The following MCU variants were observed in gnomAD, a reference collection of about 807,000 sequenced individuals.
MCU encodes calcium uniporter protein, mitochondrial.
Under a neutral mutation model 45.2 loss-of-function variants are expected in MCU, and 12 were observed. That is an observed-to-expected ratio of 0.27 (90% CI 0.17 to 0.43). MCU has a LOEUF of 0.43. Among genes scored for constraint, MCU ranks in the 20% least tolerant of loss-of-function variants. The pLI is 1.00. For synonymous variants in MCU, 160 were observed against 165.1 expected (o/e 0.97, Z 0.24); for missense variants, 324 against 436.7 (o/e 0.74, Z 2.30).
chr10:72,704,742 T>TCTCGCTCTG (rs1842799011), intron 1 of MCU, among the ~76,000 whole-genome samples: 1 of 129,200 alleles, frequency 7.7e-6, no homozygotes, highest in Non-Finnish European at 1.6e-5. Flanking sequence ...TGAGACGGAG[T>TCTCGCTCTG]CTCGCTCTGT....
At chr10:72,694,821 T>G (rs1438955541) in intron 1 of MCU, among the ~76,000 whole-genome samples, 1 of 152,222 alleles carries the variant, frequency 6.6e-6, no homozygotes, top group East Asian at 1.9e-4. Context: ...TTTCCAAGTT[T>G]CGAGAATGAG....
At chr10:72,797,783 C>T (rs1844274096) in intron 1 of MCU, among the ~76,000 whole-genome samples, 1 of 152,102 alleles carries the variant, frequency 6.6e-6, no homozygotes, top group African/African-American at 2.4e-5. Flanking sequence ...GATCCACCCA[C>T]CTTGGCCTCC....
At chr10:72,695,662 G>A (rs1173125215) in intron 1 of MCU, among the ~76,000 whole-genome samples, 2 of 149,878 alleles carry the variant, frequency 1.3e-5, no homozygotes, top group Admixed American at 6.6e-5. Flanking sequence ...AAAGTCACTT[G>A]TTAAGTTATG....
rs1280080654 is a variant in MCU, at chr10:72,802,889, T to A, written c.151-31470T>A. ...AATATTTGCAACTCCTGAGTAATTA[T>A]GTTGAGTAGCATTTCACTATAGTTT... On this transcript the variant is annotated intron_variant, in intron 1 of 7. Transcript: ENST00000373053. 2.0e-5 allele frequency among the ~76,000 whole-genome samples: 3 copies of A among 152,354 alleles called. No homozygotes were observed. In the East Asian group the frequency reaches 5.8e-4, roughly 29 times the overall value.
chr10:72,732,243 C>A (rs1156806685), intron 1 of MCU, among the ~76,000 whole-genome samples: 1 of 152,170 alleles, frequency 6.6e-6, no homozygotes. Flanking sequence ...AGCACTTTAG[C>A]CCATTTTCAA....
At chr10:72,697,139 T>G (rs1467321876) in intron 1 of MCU, among the ~76,000 whole-genome samples, 1 of 152,194 alleles carries the variant, frequency 6.6e-6, no homozygotes, top group African/African-American at 2.4e-5. Context: ...TTATTTTAGA[T>G]GGAGTGTTGC....
At chr10:72,738,205 G>A (rs1589438399) in intron 1 of MCU, among the ~76,000 whole-genome samples, 1 of 152,138 alleles carries the variant, frequency 6.6e-6, no homozygotes, top group South Asian at 2.1e-4. Flanking sequence ...GAAGGTGAAG[G>A]GGAAGTTGGA....
At position 72,823,061 on chromosome 10, in the gene MCU, A is replaced by G. The variant is rs531644318; in HGVS notation, c.151-11298A>G. 9.8e-5 allele frequency among the ~76,000 whole-genome samples: 15 copies of G among 152,344 alleles called. No individual in the cohort carries two copies. The South Asian group carries it at 2.7e-3, about 27-fold the overall frequency. On this transcript the variant is annotated intron_variant, in intron 1 of 7. Coordinates refer to ENST00000373053, the MANE Select transcript of MCU (RefSeq NM_138357.3). ...TATATGTTCACACAAAAACTTGTAC[A>G]TAAATGTCTATAGCAGCATTATTCA...
chr10:72,845,197 A>G (rs1845103156), intron 2 of MCU, among the ~76,000 whole-genome samples: 1 of 152,130 alleles, frequency 6.6e-6, no homozygotes. Flanking sequence ...AGGGCAGACT[A>G]TTTAATAAAT....
chr10:72,735,404 G>T (rs888355451), intron 1 of MCU, among the ~76,000 whole-genome samples: 1 of 152,070 alleles, frequency 6.6e-6, no homozygotes. Context: ...ATGTGATGTG[G>T]TTTAATAGCA....
chr10:72,839,830 G>T (rs914240089), intron 2 of MCU, among the ~76,000 whole-genome samples: 1 of 151,662 alleles, frequency 6.6e-6, no homozygotes, highest in Non-Finnish European at 1.5e-5. Flanking sequence ...CGGGTGTGGT[G>T]GCAGGAGCCT....
intron 1 of MCU, among the ~76,000 whole-genome samples, chr10:72,819,848 CAAT>C (rs1191967473): frequency 6.7e-6 from 1 of 148,402 alleles, no homozygotes; most frequent in Non-Finnish European, 1.5e-5. Flanking sequence ...TTTTTATACT[CAAT>C]AAATTTATCT....
chr10:72,872,080 A>G (rs1299959496), intron 6 of MCU, among the ~76,000 whole-genome samples: 1 of 152,210 alleles, frequency 6.6e-6, no homozygotes, highest in Non-Finnish European at 1.5e-5. Context: ...TGTTTCCATT[A>G]TGGAAGAGAG....
intron 2 of MCU, among the ~76,000 whole-genome samples, chr10:72,842,354 T>C (rs542663352): frequency 5.4e-4 from 82 of 152,350 alleles, no homozygotes; most frequent in African/African-American, 1.9e-3. Flanking sequence ...ACTTTTGATA[T>C]TGTATTGAGT....
At chr10:72,843,461 C>A (rs1284262416) in intron 2 of MCU, among the ~76,000 whole-genome samples, 1 of 152,116 alleles carries the variant, frequency 6.6e-6, no homozygotes, top group Non-Finnish European at 1.5e-5. Context: ...TTTAAGTTTT[C>A]TCTATGTCTT....
At chr10:72,737,991 A>G (rs2132692689) in intron 1 of MCU, among the ~76,000 whole-genome samples, 1 of 152,278 alleles carries the variant, frequency 6.6e-6, no homozygotes, top group Admixed American at 6.5e-5. Context: ...ATCTTCAGGT[A>G]CAATTGCTGC....
At chr10:72,804,271 T>C (rs753296504) in intron 1 of MCU, among the ~76,000 whole-genome samples, 1 of 151,010 alleles carries the variant, frequency 6.6e-6, no homozygotes, top group Non-Finnish European at 1.5e-5. Context: ...GTATTTTTAG[T>C]AGAGACAGGG....
intron 1 of MCU, among the ~76,000 whole-genome samples, chr10:72,811,315 G>T (rs1198528148): frequency 6.6e-6 from 1 of 152,204 alleles, no homozygotes; most frequent in African/African-American, 2.4e-5. Flanking sequence ...AGCCAAAATA[G>T]AATTTGTTGC....
chr10:72,794,102 T>TA (rs1844208791), intron 1 of MCU, among the ~76,000 whole-genome samples: 1 of 152,234 alleles, frequency 6.6e-6, no homozygotes, highest in South Asian at 2.1e-4. Context: ...CAGGTGTTGT[T>TA]AAAATTTTTT....
Sources: gnomAD v4.1 joint callset for allele counts (sites outside exome capture counted in the v4.1 genomes callset) on GRCh38, gnomAD v4.1.1 for gene constraint, MANE v1.5 for transcripts, NCBI Gene and HGNC (gene_info 2026-07-23, HGNC 2026-07-21) for gene names.